MAGI2: variants seen among roughly 807,000 people sequenced by gnomAD.
MAGI2 encodes membrane associated guanylate kinase, WW and PDZ domain containing 2.
In MAGI2, 35 loss-of-function variants were observed where a neutral mutation model predicts 133.3. The observed-to-expected ratio is 0.26, with a 90% CI of 0.20 to 0.35. The LOEUF (loss-of-function observed/expected upper bound fraction) is 0.35. Ranked by LOEUF, MAGI2 falls within the 10% of genes least tolerant of loss-of-function variation. MAGI2 has a pLI of 1.00. For missense variants in MAGI2, 1,636 were observed against 1,863.4 expected (o/e 0.88, Z 2.25); for synonymous variants, 729 against 710.6 (o/e 1.03, Z -0.41).
chr7:78,569,471 C>T (rs903001938), intron 3 of MAGI2, among the ~76,000 whole-genome samples: 3 of 152,070 alleles, frequency 2.0e-5, no homozygotes, highest in Non-Finnish European at 4.4e-5. Flanking sequence ...TCAAAATGCA[C>T]GTTATATATC....
rs1339275867 is a variant in MAGI2 at position 78,617,783 on chromosome 7, C to T, written c.538+9337G>A. 3.9e-5 allele frequency: 6 copies of T among 152,126 alleles called. No individual in the cohort carries two copies. In the East Asian group the frequency reaches 1.2e-3, roughly 29 times the overall value. The allele number at this position is 152,126 out of a possible 1,614,324, so 9.4% of individuals were successfully genotyped here. A position where few individuals can be genotyped will look rare whatever the true frequency, so the allele number is the denominator to read the frequency against. On this transcript the variant is annotated intron_variant, in intron 3 of 21. Transcript: ENST00000354212. ...ATAAAATAATTCATAAAACCATCTA[C>T]ATCTGTCGTAACTTGGTTGGATATC...
chr7:78,780,664 A>G (rs1453193524), intron 2 of MAGI2, among the ~76,000 whole-genome samples: 3 of 152,164 alleles, frequency 2.0e-5, no homozygotes, highest in Non-Finnish European at 1.5e-5. Context: ...ACTTTTCAAG[A>G]TTTCCTATGA....
chr7:78,568,246 A>G (rs1252203800), intron 3 of MAGI2: 1 of 152,142 alleles, frequency 6.6e-6, no homozygotes, highest in Non-Finnish European at 1.5e-5. Flanking sequence ...GAAGTCATTC[A>G]GTCTTATGGA....
intron 9 of MAGI2, among the ~76,000 whole-genome samples, chr7:78,295,996 TTACTC>T (rs1028466069): frequency 4.6e-5 from 7 of 152,120 alleles, no homozygotes; most frequent in Non-Finnish European, 5.9e-5. Context: ...AAATATGTAT[TTACTC>T]TATGTCTCAC....
intron 2 of MAGI2, among the ~76,000 whole-genome samples, chr7:78,960,367 G>A (rs560865864): frequency 3.9e-5 from 6 of 152,206 alleles, no homozygotes; most frequent in African/African-American, 9.6e-5. Context: ...TTACGTCAGC[G>A]TAGACTCAGG....
chr7:79,263,224 G>A (rs1242838646), intron 1 of MAGI2, among the ~76,000 whole-genome samples: 4 of 152,066 alleles, frequency 2.6e-5, no homozygotes, highest in Non-Finnish European at 5.9e-5. Flanking sequence ...GTTTACAGAG[G>A]ACCTTCTACG....
At chr7:78,515,571 T>C (rs1416884990) in intron 4 of MAGI2, among the ~76,000 whole-genome samples, 1 of 152,158 alleles carries the variant, frequency 6.6e-6, no homozygotes, top group African/African-American at 2.4e-5. Context: ...TAAAGGTATA[T>C]GCTAATCGCT....
At chr7:78,020,837 T>G (rs1317254943) in intron 21 of MAGI2, among the ~76,000 whole-genome samples, 1 of 152,154 alleles carries the variant, frequency 6.6e-6, no homozygotes, top group Non-Finnish European at 1.5e-5. Flanking sequence ...AAATCGTCCT[T>G]AATTCCATTT....
At chr7:79,330,990 A>G (rs985587295) in intron 1 of MAGI2, among the ~76,000 whole-genome samples, 48 of 152,288 alleles carry the variant, frequency 3.2e-4, no homozygotes, top group African/African-American at 1.1e-3. Flanking sequence ...ACATTAATTC[A>G]TTCTTTAATT....
intron 9 of MAGI2, among the ~76,000 whole-genome samples, chr7:78,261,685 T>C (rs1245194892): frequency 6.6e-6 from 1 of 152,142 alleles, no homozygotes; most frequent in East Asian, 1.9e-4. Flanking sequence ...AAAAGAAAAA[T>C]AAAAAAACCT....
intron 2 of MAGI2, among the ~76,000 whole-genome samples, chr7:78,643,209 T>A (rs2150993210): frequency 6.6e-6 from 1 of 152,206 alleles, no homozygotes; most frequent in Admixed American, 6.5e-5. Context: ...TGTTGTCAAG[T>A]TAGAGTAAGG....
chr7:79,120,306 A>G (rs543757028), intron 1 of MAGI2, among the ~76,000 whole-genome samples: 51 of 152,228 alleles, frequency 3.4e-4, no homozygotes, highest in African/African-American at 1.2e-3. Flanking sequence ...TATTCATTGC[A>G]TACATTACAC....
At chr7:79,384,549 A>G (rs1844043348) in intron 1 of MAGI2, among the ~76,000 whole-genome samples, 1 of 151,612 alleles carries the variant, frequency 6.6e-6, no homozygotes, top group South Asian at 2.1e-4. Flanking sequence ...TAAATATGAG[A>G]ATTCAGTAAA....
At chr7:79,256,173 C>T (rs565442247) in intron 1 of MAGI2, among the ~76,000 whole-genome samples, 2 of 152,276 alleles carry the variant, frequency 1.3e-5, no homozygotes, top group South Asian at 2.1e-4. Flanking sequence ...GAGAATTAGA[C>T]GCAGATGCCT....
intron 1 of MAGI2, among the ~76,000 whole-genome samples, chr7:79,263,646 T>G (rs1834229981): frequency 2.0e-5 from 3 of 152,146 alleles, no homozygotes; most frequent in Admixed American, 2.0e-4. Context: ...TATAAATACT[T>G]GACCCTTGGA....
intron 1 of MAGI2, among the ~76,000 whole-genome samples, chr7:79,369,215 C>T (rs1420382709): frequency 2.6e-5 from 4 of 152,114 alleles, no homozygotes; most frequent in Non-Finnish European, 4.4e-5. Context: ...CTTATGAGGT[C>T]CCAGTGAATA....
At chr7:78,644,674 C>T (rs375167090) in intron 2 of MAGI2, among the ~76,000 whole-genome samples, 11 of 151,962 alleles carry the variant, frequency 7.2e-5, no homozygotes, top group South Asian at 4.1e-4. Context: ...ATGTTTAACT[C>T]GAAATACTTA....
Position 78,628,434 on chromosome 7 carries a change from T to C in MAGI2, c.419-1195A>G, listed in dbSNP as rs113257135. 4.4e-3 allele frequency among the ~76,000 whole-genome samples: 664 copies of C among 152,220 alleles called. 7 individuals are homozygous for C. Among genetic ancestry groups the C allele is most frequent in the African/African-American group, 0.015 (628 of 41,528 alleles). ...CTCTGCATTTGAAATCTTTATCAACTAGGTCATGAAAATAGCCAGTCGGTT... is the reference window on the plus strand; with the variant it reads ...CTCTGCATTTGAAATCTTTATCAACCAGGTCATGAAAATAGCCAGTCGGTT... On this transcript the variant is annotated intron_variant, in intron 2 of 21. Coordinates refer to ENST00000354212, the MANE Select transcript of MAGI2 (RefSeq NM_012301.4).
chr7:78,821,495 T>G (rs778937075), intron 2 of MAGI2, among the ~76,000 whole-genome samples: 1 of 151,992 alleles, frequency 6.6e-6, no homozygotes, highest in Non-Finnish European at 1.5e-5. Flanking sequence ...ACGTTTTAAA[T>G]GCATAACAAA....
Sources: gnomAD v4.1 joint callset for allele counts (sites outside exome capture counted in the v4.1 genomes callset) on GRCh38, gnomAD v4.1.1 for gene constraint, MANE v1.5 for transcripts, NCBI Gene and HGNC (gene_info 2026-07-23, HGNC 2026-07-21) for gene names.